The following TNFRSF11A variants were observed in gnomAD, a reference collection of about 807,000 sequenced individuals.
TNFRSF11A encodes the protein TNF receptor superfamily member 11a, also known as tumor necrosis factor receptor superfamily member 11A.
TNFRSF11A carries 32 observed loss-of-function variants against 55.7 expected under a neutral mutation model. That is an observed-to-expected ratio of 0.57 (90% CI 0.43 to 0.77). TNFRSF11A has a LOEUF of 0.77. Ranked by LOEUF, TNFRSF11A falls within the 30% of genes least tolerant of loss-of-function variation. The pLI is 0.00. For synonymous variants in TNFRSF11A, 311 were observed against 331.0 expected (o/e 0.94, Z 0.65); for missense variants, 753 against 809.8 (o/e 0.93, Z 0.85).
intron 9 of TNFRSF11A, among the ~76,000 whole-genome samples, chr18:62,382,149 C>G (rs1911339243): frequency 7.8e-6 from 1 of 128,738 alleles, no homozygotes; most frequent in Non-Finnish European, 1.6e-5. Context: ...GTCTTGCACT[C>G]CACCCAGGCT....
At chr18:62,364,310 G>A (rs901283848) in intron 7 of TNFRSF11A, among the ~76,000 whole-genome samples, 1 of 152,180 alleles carries the variant, frequency 6.6e-6, no homozygotes, top group Non-Finnish European at 1.5e-5. Context: ...GTAGCAGAAA[G>A]CCAGGGACCA....
At chr18:62,362,452 T>G (rs577027939) in intron 7 of TNFRSF11A, among the ~76,000 whole-genome samples, 1 of 138,366 alleles carries the variant, frequency 7.2e-6, no homozygotes, top group South Asian at 2.3e-4. Context: ...ATCATGCCAT[T>G]GCACTCCAGC....
chr18:62,365,233 A>AT (rs1909992558), intron 7 of TNFRSF11A, among the ~76,000 whole-genome samples: 1 of 152,170 alleles, frequency 6.6e-6, no homozygotes, highest in African/African-American at 2.4e-5. Flanking sequence ...AAGTGCTGGG[A>AT]TTACAGGTGT....
chr18:62,325,493 CG>C lies in TNFRSF11A; in HGVS notation c.75+70del. ...CCTCCTCGGGAGCCCCGGGAAGGGCCGGGGCCGGCGGCATCCTGGCTCCTCC... is the reference window on the plus strand; with the variant it reads ...CCTCCTCGGGAGCCCCGGGAAGGGCCGGGCCGGCGGCATCCTGGCTCCTCC... On this transcript the variant is annotated intron_variant, in intron 1 of 9. Transcript: ENST00000586569. The surrounding 1 kb of genome is among the most constrained non-coding windows in gnomAD (Gnocchi z 4.7). The C allele has an allele frequency of 2.8e-6, 3 of 1,081,652 alleles. No individual in the cohort carries two copies. Among genetic ancestry groups the C allele is most frequent in the South Asian group, 2.5e-5 (1 of 39,514 alleles). The allele number at this position is 1,081,652 out of a possible 1,614,324, so 67.0% of individuals were successfully genotyped here.
intron 9 of TNFRSF11A, among the ~76,000 whole-genome samples, chr18:62,380,815 T>C (rs1911231918): frequency 6.6e-6 from 1 of 150,838 alleles, no homozygotes; most frequent in African/African-American, 2.4e-5. Context: ...CTTTTTTTTT[T>C]TTTTTGAGAT....
chr18:62,369,270 C>G lies in TNFRSF11A; in HGVS notation c.1353C>G (p.Asn451Lys). 1 of 1,613,432 alleles carries G rather than the reference C, an allele frequency of 6.2e-7. No individual in the cohort carries two copies. Among genetic ancestry groups the G allele is most frequent in the Non-Finnish European group, 8.5e-7 (1 of 1,180,018 alleles). Reference sequence around the variant, plus strand: ...CAGATGTCTGCACAGGCTGCCGGAACCCTCCTGGGGAGGACTGTGAACCCC... The same window carrying G: ...CAGATGTCTGCACAGGCTGCCGGAAGCCTCCTGGGGAGGACTGTGAACCCC... ...NWADVCTGCR[N>K]PPGEDCEPLV... Residue 451 changes from asparagine (N) to lysine (K), a missense_variant, in exon 9 of 10, where the codon AAC (asparagine) becomes AAG (lysine). Physicochemically the swap from Asn to Lys is moderately conservative, Grantham distance 94 (BLOSUM62 0). Transcript: ENST00000586569.
intron 9 of TNFRSF11A, among the ~76,000 whole-genome samples, chr18:62,372,557 G>A (rs539344930): frequency 3.3e-5 from 5 of 152,070 alleles, no homozygotes; most frequent in African/African-American, 9.6e-5. Flanking sequence ...TACATGTGCA[G>A]GTTTGTACCT....
rs1294919004 is a variant in TNFRSF11A at position 62,325,731 on chromosome 18, C to A, written c.75+304C>A. 1.3e-5 allele frequency among the ~76,000 whole-genome samples: 2 copies of A among 152,238 alleles called. No homozygotes were observed. The highest frequency in any genetic ancestry group is 2.9e-5 in the Non-Finnish European group (2 of 68,042). ...TTGATGCTGTCATTTTCTCCAAATG[C>A]TTCTTGAGCACCTACTAAGCGCTTG... On this transcript the variant is annotated intron_variant, in intron 1 of 9. Transcript: ENST00000586569. The surrounding 1 kb of genome is among the most constrained non-coding windows in gnomAD (Gnocchi z 4.7).
rs970466947 is a variant in TNFRSF11A, at chr18:62,349,796, C to G, written c.158-16C>G. 4 of 1,613,268 alleles carry G rather than the reference C, an allele frequency of 2.5e-6. No homozygotes were observed. In the African/African-American group the frequency reaches 5.3e-5, roughly 22 times the overall value. On this transcript the variant is annotated splice_polypyrimidine_tract_variant and intron_variant, in intron 2 of 9. Coordinates refer to ENST00000586569, the MANE Select transcript of TNFRSF11A (RefSeq NM_003839.4). ...GGTTTTTTGATGGTTGCATTTTTCTCCCTCATTTTTTTAAGGAAAGTACAT... is the reference window on the plus strand; with the variant it reads ...GGTTTTTTGATGGTTGCATTTTTCTGCCTCATTTTTTTAAGGAAAGTACAT...
intron 1 of TNFRSF11A, chr18:62,336,358 G>A (rs2046233329): frequency 6.6e-6 from 1 of 152,228 alleles, no homozygotes; most frequent in Non-Finnish European, 1.5e-5. Flanking sequence ...CACCCTGAAG[G>A]CTGGGCAGTG....
At chr18:62,353,992 C>G (rs1004750191) in intron 3 of TNFRSF11A, among the ~76,000 whole-genome samples, 8 of 152,202 alleles carry the variant, frequency 5.3e-5, no homozygotes, top group Non-Finnish European at 1.2e-4. Context: ...ACCCTGTTCT[C>G]TAAGGTCCAG....
At position 62,325,420 on chromosome 18, in the gene TNFRSF11A, G is replaced by A. The variant is rs886054083; in HGVS notation, c.68G>A (p.Arg23Gln). ...ALLLLCALLA[R>Q]LQVALQIAPP... ...CTGCTGCTCTGCGCGCTGCTCGCCC[G>A]GCTGCAGGTAAGGAGCGCCCGCGCC... Residue 23 changes from arginine (R) to glutamine (Q), a missense_variant, in exon 1 of 10, where the codon CGG becomes CAG. This residue lies in a region of TNFRSF11A where 156 missense variants were observed against 155.1 expected (regional missense o/e 1.01). Coordinates refer to ENST00000586569, the MANE Select transcript of TNFRSF11A (RefSeq NM_003839.4). The surrounding 1 kb of genome is among the most constrained non-coding windows in gnomAD (Gnocchi z 4.7). The A allele has an allele frequency of 6.4e-6, 8 of 1,259,646 alleles. No homozygotes were observed. Among genetic ancestry groups the A allele is most frequent in the Non-Finnish European group, 8.1e-6 (8 of 989,744 alleles). 78.0% of individuals were successfully genotyped at this position (1,259,646 alleles called of 1,614,324 possible). A position where few individuals can be genotyped will look rare whatever the true frequency, so the allele number is the denominator to read the frequency against.
At chr18:62,354,369 A>C in intron 3 of TNFRSF11A, 22 bp from the exon 4 acceptor site, 1 of 1,555,394 alleles carries the variant, frequency 6.4e-7, no homozygotes, top group Non-Finnish European at 8.7e-7. Flanking sequence ...CTGGCCACTG[A>C]CCTGTCTCTT....
chr18:62,327,426 C>T (rs1005296647), intron 1 of TNFRSF11A, among the ~76,000 whole-genome samples: 1 of 152,182 alleles, frequency 6.6e-6, no homozygotes, highest in African/African-American at 2.4e-5. Flanking sequence ...CATTGGAATG[C>T]TTTTCTGCTT....
At chr18:62,353,384 C>T (rs76368505) in intron 3 of TNFRSF11A, among the ~76,000 whole-genome samples, 10,207 of 152,232 alleles carry the variant, frequency 0.067, 802 homozygotes, top group East Asian at 0.24. Flanking sequence ...GCACTTAGAA[C>T]GCTAGACAGC....
intron 1 of TNFRSF11A, among the ~76,000 whole-genome samples, chr18:62,341,589 C>T (rs1240675985): frequency 6.6e-6 from 1 of 152,226 alleles, no homozygotes; most frequent in East Asian, 1.9e-4. Flanking sequence ...GAATATCCCT[C>T]CTCTATTGGA....
chr18:62,335,129 A>ATTTTTTTT lies in TNFRSF11A; in HGVS notation c.75+9711_75+9718dup, dbSNP rs11289576. Reference sequence around the variant, plus strand: ...CTGTGACCAAGCCACTGGGGTCGGAATTTTTTTTTTTTTTTTGTTACCCAG... The same window carrying ATTTTTTTT: ...CTGTGACCAAGCCACTGGGGTCGGAATTTTTTTTTTTTTTTTTTTTTTTTGTTACCCAG... On this transcript the variant is annotated intron_variant, in intron 1 of 9. Coordinates refer to ENST00000586569, the MANE Select transcript of TNFRSF11A (RefSeq NM_003839.4). Among the ~76,000 whole-genome samples, 49 of 140,770 alleles carry ATTTTTTTT rather than the reference A, an allele frequency of 3.5e-4. 2 individuals carry two copies. The highest frequency in any genetic ancestry group is 4.8e-4 in the Non-Finnish European group (31 of 64,628). 92.4% of individuals were successfully genotyped at this position (140,770 alleles called of 152,430 possible). A position where few individuals can be genotyped will look rare whatever the true frequency, so the allele number is the denominator to read the frequency against.
rs1221839880 is a variant in TNFRSF11A, at chr18:62,390,462, T to G, written c.*5428T>G. The G allele has an allele frequency of 2.0e-5, 3 of 152,194 alleles. No individual in the cohort carries two copies. The highest frequency in any genetic ancestry group is 2.0e-4 in the Admixed American group (3 of 15,284). 9.4% of individuals were successfully genotyped at this position (152,194 alleles called of 1,614,324 possible). On this transcript the variant is annotated 3_prime_UTR_variant, in exon 10 of 10. Transcript: ENST00000586569. ...GGTATTCCTGGTGCCTCTCCCCGTT[T>G]GGGAAGAATAACACATTGACCACCG...
chr18:62,358,461 G>A (rs567550378), intron 5 of TNFRSF11A, 120 bp downstream of exon 5: 93 of 936,218 alleles, frequency 9.9e-5, no homozygotes, highest in Middle Eastern at 2.5e-4. Context: ...TTGAAGCCAC[G>A]TTCAAAATGG....
Sources: allele counts gnomAD v4.1 joint callset (sites outside exome capture counted in the v4.1 genomes callset), GRCh38; gene constraint gnomAD v4.1.1; regional missense constraint gnomAD v4.1.1; non-coding constraint Gnocchi (gnomAD v3.1); transcripts MANE v1.5; gene names NCBI Gene and HGNC (gene_info 2026-07-23, HGNC 2026-07-21).